The following FAM98B variants were observed in gnomAD, a reference collection of about 807,000 sequenced individuals.
The protein encoded by FAM98B is tRNA-splicing ligase complex subunit FAM98B.
In FAM98B, 32 loss-of-function variants were observed where a neutral mutation model predicts 43.9. The observed-to-expected ratio is 0.73, with a 90% confidence interval of 0.55 to 0.98. The LOEUF is 0.98. FAM98B is among the 50% of genes least tolerant of loss of function. The probability of loss-of-function intolerance (pLI) is 0.00; values close to 1 mark genes in which losing one functional copy is unlikely to be tolerated. For missense variants in FAM98B, 514 were observed against 522.9 expected, an observed-to-expected ratio of 0.98 and a Z score of 0.17; for synonymous variants, 190 against 174.0, an observed-to-expected ratio of 1.09 and a Z score of -0.72.
At chr15:38,481,782 C>T in intron 7 of FAM98B, 1 of 625,070 alleles carries the variant, frequency 1.6e-6, no homozygotes, top group Admixed American at 3.2e-5. Context: ...GTTTCAAGTA[C>T]TGACAGATTC....
intron 2 of FAM98B, 126 bp downstream of exon 2, chr15:38,464,303 G>A (rs141570781): frequency 2.2e-6 from 2 of 891,704 alleles, no homozygotes; most frequent in South Asian, 3.1e-5. Flanking sequence ...ATTTCAGTAT[G>A]TGGTAGTAAA....
intron 1 of FAM98B, 55 bp from the exon 2 acceptor site, chr15:38,463,977 G>A (rs1338965348): frequency 6.6e-7 from 1 of 1,516,872 alleles, no homozygotes; most frequent in Non-Finnish European, 8.9e-7. Flanking sequence ...AGTGTTGGAG[G>A]TTTTTTTGTT....
Position 38,484,657 on chromosome 15 carries a change from T to C in FAM98B, c.1300T>C (p.Ter434GlnextTer3), listed in dbSNP as rs961377306. 1.3e-5 allele frequency: 19 copies of C among 1,512,036 alleles called. No individual in the cohort carries two copies. Among genetic ancestry groups the C allele is most frequent in the Non-Finnish European group, 1.6e-5 (18 of 1,136,574 alleles). 93.7% of individuals were successfully genotyped at this position (1,512,036 alleles called of 1,614,324 possible). Residue 434 changes from the stop codon to glutamine (Q), a stop_lost, in exon 8 of 8, where the codon TAA becomes CAA. Coordinates refer to ENST00000397609, the MANE Select transcript of FAM98B (RefSeq NM_173611.4). ...TGGAGGAGGTGGATATAGAAGATAC[T>C]AAAAACTATAAAAATTAGATAGCAG... Reference protein sequence around the residue: ...GGGGGGYRRY* With the variant: ...GGGGGGYRRYQ
rs1303689370 is a variant in FAM98B at position 38,476,704 on chromosome 15, T to C, written c.729+2406T>C. Among the ~76,000 whole-genome samples, 6 of 70,446 alleles carry C rather than the reference T, an allele frequency of 8.5e-5. No individual in the cohort carries two copies. The South Asian group carries it at 2.9e-3, about 34-fold the overall frequency. The allele number at this position is 70,446 out of a possible 152,430, so 46.2% of individuals were successfully genotyped here. A position where few individuals can be genotyped will look rare whatever the true frequency, so the allele number is the denominator to read the frequency against. On this transcript the variant is annotated intron_variant, in intron 6 of 7. Coordinates refer to ENST00000397609, the MANE Select transcript of FAM98B (RefSeq NM_173611.4). ...TCTTGATTAAAGATAGAAACTTTGC[T>C]TTTTTTTTTTTTTGCTTTCAATTAT...
intron 5 of FAM98B, 24 bp downstream of exon 5, chr15:38,473,609 G>T: frequency 6.4e-7 from 1 of 1,565,714 alleles, no homozygotes; most frequent in Non-Finnish European, 8.7e-7. Flanking sequence ...TTTGTTATTA[G>T]TTTTATGTAA....
chr15:38,473,612 T>G, intron 5 of FAM98B, 27 bp downstream of exon 5: 1 of 1,551,314 alleles, frequency 6.4e-7, no homozygotes, highest in Admixed American at 1.8e-5. Context: ...GTTATTAGTT[T>G]TATGTAATTA....
At chr15:38,467,750 G>T (rs1292336710) in intron 3 of FAM98B, among the ~76,000 whole-genome samples, 1 of 152,164 alleles carries the variant, frequency 6.6e-6, no homozygotes, top group African/African-American at 2.4e-5. Context: ...CCAGAAACCT[G>T]AGTGTCCATA....
rs1348096821 is a variant in FAM98B, at chr15:38,484,324, C to G, written c.967C>G (p.Pro323Ala). The change falls in exon 8 of 8, where the codon CCC (proline) becomes GCC (alanine). Residue 323 changes from proline (P) to alanine (A), a missense_variant. Coordinates refer to ENST00000397609, the MANE Select transcript of FAM98B (RefSeq NM_173611.4). ...NEIEPPPPEM[P>A]PWQKRQEGGG... ...AATTGAACCACCACCTCCAGAAATG[C>G]CCCCTTGGCAAAAGAGACAAGAAGG... The G allele has an allele frequency of 3.2e-6, 5 of 1,544,742 alleles. No homozygotes were observed. The highest frequency in any genetic ancestry group is 4.4e-6 in the Non-Finnish European group (5 of 1,145,346).
intron 3 of FAM98B, among the ~76,000 whole-genome samples, chr15:38,467,337 T>G (rs78890913): frequency 1.9e-4 from 29 of 152,178 alleles, no homozygotes; most frequent in Admixed American, 1.3e-4. Flanking sequence ...AGAGCTTTTA[T>G]AAATCAACAG....
At position 38,484,433 on chromosome 15, in the gene FAM98B, G is replaced by T; in HGVS notation, c.1076G>T (p.Trp359Leu). The change falls in exon 8 of 8, where the codon TGG (tryptophan) becomes TTG (leucine). Residue 359 changes from tryptophan (W) to leucine (L), a missense_variant. Coordinates refer to ENST00000397609, the MANE Select transcript of FAM98B (RefSeq NM_173611.4). The part of the protein sequence containing the change: ...GGGGGGGRGG[W>L]GGGGGGWGGG... ...GGGGGTGGGGGTGGGAGAGGTGGCT[G>T]GGGGGGTGGAGGAGGAGGTTGGGGA... The T allele has an allele frequency of 1.2e-6, 1 of 848,766 alleles. No individual in the cohort carries two copies. 52.6% of individuals were successfully genotyped at this position (848,766 alleles called of 1,614,324 possible).
rs778833588 is a variant in FAM98B at position 38,465,393 on chromosome 15, G to A, written c.342G>A (p.Leu114=). The change falls in exon 3 of 8, where the codon TTG becomes TTA. Residue 114 remains leucine, a synonymous_variant. Transcript: ENST00000397609. ...KDRLKKKEDC[L]KLLLFLSTEL... The stretch of plus-strand genomic sequence containing the variant: ...GTTTAAAAAAGAAGGAGGACTGTTT[G>A]AAACTTCTATGTAAGTTATCTTGAA... 1 of 1,591,950 alleles carries A rather than the reference G, an allele frequency of 6.3e-7. No individual in the cohort carries two copies. The highest frequency in any genetic ancestry group is 1.8e-5 in the Admixed American group (1 of 56,316).
chr15:38,463,916 G>C, intron 1 of FAM98B, 116 bp from the exon 2 acceptor site: 1 of 963,538 alleles, frequency 1.0e-6, no homozygotes, highest in South Asian at 2.1e-5. Context: ...TTTAATGGCT[G>C]TGTTCCAATA....
intron 6 of FAM98B, among the ~76,000 whole-genome samples, chr15:38,475,581 C>T (rs1014645519): frequency 6.6e-6 from 1 of 152,150 alleles, no homozygotes; most frequent in Admixed American, 6.5e-5. Flanking sequence ...ATCTTCCAGC[C>T]TTTCTCTCTC....
intron 3 of FAM98B, among the ~76,000 whole-genome samples, chr15:38,467,430 G>A (rs1454430749): frequency 6.6e-6 from 1 of 152,048 alleles, no homozygotes; most frequent in Non-Finnish European, 1.5e-5. Flanking sequence ...TTTTTTAACT[G>A]CTTCTAAGCA....
At chr15:38,477,311 A>G (rs62002947) in intron 6 of FAM98B, among the ~76,000 whole-genome samples, 1,740 of 151,032 alleles carry the variant, frequency 0.012, 22 homozygotes, top group Non-Finnish European at 0.019. Flanking sequence ...TTTTTTTCCT[A>G]TATACTGTGT....
intron 6 of FAM98B, among the ~76,000 whole-genome samples, chr15:38,477,243 T>G (rs1890214947): frequency 6.6e-6 from 1 of 151,356 alleles, no homozygotes; most frequent in African/African-American, 2.4e-5. Flanking sequence ...GTGGCAATTC[T>G]TAATGCCAAC....
intron 1 of FAM98B, among the ~76,000 whole-genome samples, chr15:38,456,622 CAG>C (rs76032358): frequency 0.011 from 1,744 of 152,066 alleles, 20 homozygotes; most frequent in Non-Finnish European, 0.019. Context: ...AGGAAAAGAA[CAG>C]GGTGATGTAA....
chr15:38,465,988 A>AT (rs1319609770), intron 3 of FAM98B, among the ~76,000 whole-genome samples: 2 of 151,972 alleles, frequency 1.3e-5, no homozygotes, highest in East Asian at 1.9e-4. Context: ...TCCTTTCATC[A>AT]TTTTTTTACT....
intron 1 of FAM98B, chr15:38,458,839 T>C: frequency 2.1e-6 from 1 of 487,352 alleles, no homozygotes; most frequent in South Asian, 1.6e-5. Context: ...ACTCAGTATC[T>C]GCCATGTCAT....
Sources: gnomAD v4.1 joint callset for allele counts (sites outside exome capture counted in the v4.1 genomes callset) on GRCh38, gnomAD v4.1.1 for gene constraint, MANE v1.5 for transcripts, NCBI Gene and HGNC (gene_info 2026-07-23, HGNC 2026-07-21) for gene names.